Variants in MCF2 observed in about 807,000 individuals in gnomAD.
MCF2 encodes the protein proto-oncogene DBL.
MCF2 carries 44 observed loss-of-function variants against 82.5 expected under a neutral mutation model. The observed-to-expected ratio is 0.53, with a 90% confidence interval of 0.42 to 0.69. MCF2 has a LOEUF of 0.69. MCF2 is among the 30% of genes least tolerant of loss of function. The probability of loss-of-function intolerance (pLI) is 0.00; values close to 1 mark genes in which losing one functional copy is unlikely to be tolerated. For missense variants in MCF2, 623 were observed against 663.1 expected (o/e 0.94, Z 0.66); for synonymous variants, 217 against 224.9 (o/e 0.96, Z 0.32).
At chrX:139,631,969 G>A (rs1932947860) in intron 2 of MCF2, among the ~76,000 whole-genome samples, 2 of 111,297 alleles carry the variant, frequency 1.8e-5, no homozygotes, top group South Asian at 7.5e-4. Context: ...AGCTCAGGAT[G>A]TAAGTTCACG....
intron 3 of MCF2, 115 bp from the exon 7 acceptor site, chrX:139,629,959 T>A (rs935815630): frequency 4.1e-6 from 2 of 486,395 alleles, no homozygotes; most frequent in Non-Finnish European, 3.4e-6. Context: ...ACATATACTA[T>A]GAACTCTCCT....
intron 15 of MCF2, 87 bp from the exon 20 acceptor site, chrX:139,602,585 G>A (rs993837419): frequency 1.8e-5 from 11 of 621,868 alleles, no homozygotes; most frequent in Non-Finnish European, 2.6e-5. Flanking sequence ...GTGTAACCAA[G>A]CATCCTAGGA....
intron 4 of MCF2, among the ~76,000 whole-genome samples, chrX:139,628,026 TGG>T (rs1421534117): frequency 5.4e-5 from 6 of 112,071 alleles, no homozygotes; most frequent in Non-Finnish European, 1.1e-4. Context: ...ACATACTTGT[TGG>T]GGATGTAAAT....
At chrX:139,661,231 G>A (rs769855441) in intron 1 of MCF2, among the ~76,000 whole-genome samples, 1 of 111,582 alleles carries the variant, frequency 9.0e-6, no homozygotes, top group Non-Finnish European at 1.9e-5. Flanking sequence ...GGACTGATAT[G>A]GTTTGAGTAT....
chrX:139,696,079 C>G (rs1465946637), intron 1 of MCF2, among the ~76,000 whole-genome samples: 1 of 111,818 alleles, frequency 8.9e-6, no homozygotes, highest in Non-Finnish European at 1.9e-5. Context: ...GTAACTAACT[C>G]TTTTGGAAAT....
rs191689922 is a variant in MCF2, at chrX:139,692,805, G to A, written c.-45+15301C>T. ...AGAATACTAGCCCTGAATAGTCTGA[G>A]AGGTCCTGTGCTGAAGCCGAAATAT... On this transcript the variant is annotated intron_variant, in intron 1 of 27. Transcript: ENST00000414978. Among the ~76,000 whole-genome samples the A allele has an allele frequency of 3.4e-3, 385 of 112,391 alleles. 3 individuals carry two copies. Among genetic ancestry groups the A allele is most frequent in the Non-Finnish European group, 5.0e-3 (264 of 53,260 alleles).
In MCF2 at chrX:139,585,057, A is replaced by T. The variant is rs761683256; in HGVS notation, c.2745+9T>A. 4 of 1,121,272 alleles carry T rather than the reference A, an allele frequency of 3.6e-6. No homozygotes were observed. The East Asian group carries it at 1.2e-4, about 34-fold the overall frequency. The allele number at this position is 1,121,272 out of a possible 1,213,427, so 92.4% of individuals were successfully genotyped here. A position where few individuals can be genotyped will look rare whatever the true frequency, so the allele number is the denominator to read the frequency against. Reference sequence around the variant, plus strand: ...CTCAATAATTTTAATTTACTATATTATTACTAACCATGAGGGGCCTATTTT... The same window carrying T: ...CTCAATAATTTTAATTTACTATATTTTTACTAACCATGAGGGGCCTATTTT... On this transcript the variant is annotated intron_variant, in intron 24 of 24. Coordinates refer to ENST00000370576, the Ensembl canonical transcript of MCF2.
chrX:139,682,905 C>T (rs372575147), intron 1 of MCF2, among the ~76,000 whole-genome samples: 1 of 111,949 alleles, frequency 8.9e-6, no homozygotes, highest in African/African-American at 3.2e-5. Flanking sequence ...GAATAATTCT[C>T]ATACTAGGAA....
exon 15 of MCF2, chrX:139,604,682 C>T (rs765398158): frequency 1.7e-6 from 2 of 1,170,848 alleles, no homozygotes; most frequent in African/African-American, 1.8e-5. Context: ...TTAACTAACC[C>T]TTTCCAGGAA....
intron 1 of MCF2, among the ~76,000 whole-genome samples, chrX:139,655,767 G>A (rs777223849): frequency 1.3e-4 from 15 of 111,287 alleles, no homozygotes; most frequent in African/African-American, 4.9e-4. Flanking sequence ...TTTTGATGGA[G>A]TCTTTAGGTT....
Position 139,623,398 on chromosome X carries a change from TA to T in MCF2, c.687+2794del, listed in dbSNP as rs200852041. 9.8e-3 allele frequency among the ~76,000 whole-genome samples: 1,088 copies of T among 110,831 alleles called. 12 individuals are homozygous for T. Among genetic ancestry groups the T allele is most frequent in the African/African-American group, 0.034 (1,049 of 30,498 alleles). The stretch of plus-strand genomic sequence containing the variant: ...TACATCATGGAATACTATGCAGCCA[TA>T]AAAAAAACAAAATCATGTCTTTTGC... On this transcript the variant is annotated intron_variant, in intron 6 of 24. Transcript: ENST00000370576.
At chrX:139,684,754 G>C (rs1444405618) in intron 1 of MCF2, among the ~76,000 whole-genome samples, 1 of 112,038 alleles carries the variant, frequency 8.9e-6, no homozygotes, top group African/African-American at 3.2e-5. Context: ...TATATGAAAT[G>C]TCCAGAATAG....
chrX:139,704,260 G>C (rs910342312), intron 1 of MCF2, among the ~76,000 whole-genome samples: 5 of 111,949 alleles, frequency 4.5e-5, no homozygotes, highest in African/African-American at 1.6e-4. Context: ...AGTCAGGCAA[G>C]AGAAAGAAAT....
intron 2 of MCF2, among the ~76,000 whole-genome samples, chrX:139,648,526 T>C (rs763920283): frequency 3.6e-5 from 4 of 112,186 alleles, no homozygotes; most frequent in Non-Finnish European, 7.5e-5. Flanking sequence ...TTGCTTATTA[T>C]ATGATAGTAA....
Position 139,650,196 on chromosome X carries a change from A to G in MCF2, c.25+1524T>C, listed in dbSNP as rs190465493. Among the ~76,000 whole-genome samples, 12 of 111,299 alleles carry G rather than the reference A, an allele frequency of 1.1e-4. No individual in the cohort carries two copies. The East Asian group carries it at 3.4e-3, about 31-fold the overall frequency. ...ATAGCAAAACCCTTTTGCTACAAAA[A>G]TATAAAAATTAGCTAGGCGTGGTGG... On this transcript the variant is annotated intron_variant, in intron 2 of 27. Coordinates refer to the MCF2 transcript ENST00000414978.
chrX:139,670,032 TTGTATTATACG>T, intron 1 of MCF2, among the ~76,000 whole-genome samples: 1 of 111,866 alleles, frequency 8.9e-6, no homozygotes, highest in East Asian at 2.8e-4. Flanking sequence ...AATGGGTAAA[TTGTATTATACG>T]TGTATTATAT....
rs1000740349 is a variant in MCF2 at position 139,660,898 on chromosome X, T to C, written c.-44-9110A>G. ...CTAGGTGCTGTGGCCCATGGGAATA[T>C]AAACAGAGTTCCTCACCTCACAAAG... is the stretch of plus-strand genomic sequence containing the variant. On this transcript the variant is annotated intron_variant, in intron 1 of 27. Transcript: ENST00000414978. 1.2e-4 allele frequency among the ~76,000 whole-genome samples: 13 copies of C among 111,763 alleles called. 1 individual carries two copies. Among genetic ancestry groups the C allele is most frequent in the South Asian group, 7.5e-4 (2 of 2,671 alleles).
intron 1 of MCF2, among the ~76,000 whole-genome samples, chrX:139,667,004 C>A (rs1263705697): frequency 9.0e-6 from 1 of 111,065 alleles, no homozygotes; most frequent in African/African-American, 3.3e-5. Flanking sequence ...ATTATTGATG[C>A]TTTCAAACGT....
chrX:139,662,673 G>A (rs959465990), intron 1 of MCF2, among the ~76,000 whole-genome samples: 1 of 110,550 alleles, frequency 9.0e-6, no homozygotes, highest in African/African-American at 3.3e-5. Context: ...AAGTACCCAA[G>A]TGCTTGGGTA....
Sources: allele counts gnomAD v4.1 joint callset (sites outside exome capture counted in the v4.1 genomes callset), GRCh38; gene constraint gnomAD v4.1.1; transcripts MANE v1.5; gene names NCBI Gene and HGNC (gene_info 2026-07-23, HGNC 2026-07-21).